The following ARVCF variants were observed in gnomAD, a reference collection of about 807,000 sequenced individuals.
ARVCF encodes splicing regulator ARVCF.
ARVCF carries 66 observed loss-of-function variants against 90.9 expected under a neutral mutation model. The observed-to-expected ratio is 0.73, with a 90% CI of 0.60 to 0.89. The LOEUF (loss-of-function observed/expected upper bound fraction) is 0.89. Among genes scored for constraint, ARVCF ranks in the 40% least tolerant of loss-of-function variants. The pLI is 0.00. For synonymous variants in ARVCF, 653 were observed against 603.4 expected (o/e 1.08, Z -1.21); for missense variants, 1,469 against 1,382.3 (o/e 1.06, Z -1.00).
intron 10 of ARVCF, among the ~76,000 whole-genome samples, chr22:19,976,033 G>A (rs1943136467): frequency 6.6e-6 from 1 of 152,136 alleles, no homozygotes; most frequent in Admixed American, 6.5e-5. Flanking sequence ...GACCCTCCCG[G>A]TGGCTCCCTT....
intron 5 of ARVCF, 162 bp downstream of exon 5, chr22:19,981,049 G>C: frequency 1.0e-6 from 1 of 953,048 alleles, no homozygotes; most frequent in Non-Finnish European, 1.5e-6. Context: ...TACCACCCCA[G>C]GGTCCACCTT....
chr22:19,970,611 A>G lies in ARVCF; in HGVS notation c.*145T>C, dbSNP rs1207894488. 5.2e-5 allele frequency: 66 copies of G among 1,264,552 alleles called. No individual in the cohort carries two copies. The highest frequency in any genetic ancestry group is 2.7e-4 in the Middle Eastern group (1 of 3,702). The allele number at this position is 1,264,552 out of a possible 1,614,324, so 78.3% of individuals were successfully genotyped here. A position where few individuals can be genotyped will look rare whatever the true frequency, so the allele number is the denominator to read the frequency against. Reference sequence around the variant, plus strand: ...GTGGGGGGGCAGGAGGGTGTCCCCAAAGTCAGGCTTGGCTGGGGCGAGGCG... The same window carrying G: ...GTGGGGGGGCAGGAGGGTGTCCCCAGAGTCAGGCTTGGCTGGGGCGAGGCG... On this transcript the variant is annotated 3_prime_UTR_variant, in exon 20 of 20. Transcript: ENST00000263207.
At chr22:19,982,202 G>T (rs17173678) in intron 3 of ARVCF, 111 bp from the exon 4 acceptor site, 5 of 1,442,436 alleles carry the variant, frequency 3.5e-6, no homozygotes, top group Non-Finnish European at 3.7e-6. Context: ...GCACACCAGG[G>T]TGCCTTCCTC....
chr22:19,974,830 T>C (rs1275471628), intron 11 of ARVCF, among the ~76,000 whole-genome samples: 2 of 152,052 alleles, frequency 1.3e-5, no homozygotes, highest in Non-Finnish European at 2.9e-5. Context: ...GCACTCTTCC[T>C]GGCAACCACT....
rs1030619833 is a variant in ARVCF, at chr22:20,016,715, T to C, written c.-199A>G. On this transcript the variant is annotated 5_prime_UTR_variant, in exon 1 of 20. Transcript: ENST00000263207. ...CGGTGCGGCGCGGCGCGGGTCGCAGTCCACGCGGCCGCAACTCGGACCGGT... is the reference window on the plus strand; with the variant it reads ...CGGTGCGGCGCGGCGCGGGTCGCAGCCCACGCGGCCGCAACTCGGACCGGT... 1.3e-5 allele frequency: 2 copies of C among 150,572 alleles called. No individual in the cohort carries two copies. The highest frequency in any genetic ancestry group is 2.4e-5 in the African/African-American group (1 of 41,060). The allele number at this position is 150,572 out of a possible 1,614,324, so 9.3% of individuals were successfully genotyped here.
chr22:19,971,372 G>A (rs770505662), intron 18 of ARVCF, 37 bp from the exon 19 acceptor site: 3 of 1,538,256 alleles, frequency 2.0e-6, no homozygotes, highest in East Asian at 2.4e-5. Context: ...GCACAATAGA[G>A]CAGGTTAGTT....
intron 1 of ARVCF, among the ~76,000 whole-genome samples, chr22:20,013,302 T>C (rs987015591): frequency 2.0e-5 from 3 of 152,240 alleles, no homozygotes; most frequent in Non-Finnish European, 4.4e-5. Flanking sequence ...GGGCACACAC[T>C]TGAAGGACAC....
At position 19,972,373 on chromosome 22, in the gene ARVCF, C is replaced by G. The variant is rs759083877; in HGVS notation, c.2680G>C (p.Asp894His). The G allele has an allele frequency of 3.1e-6, 5 of 1,613,610 alleles. No individual in the cohort carries two copies. The highest frequency in any genetic ancestry group is 4.2e-6 in the Non-Finnish European group (5 of 1,180,010). The change falls in exon 17 of 20, where the codon GAT becomes CAT. Residue 894 changes from aspartate to histidine, a missense_variant. By Grantham distance (81) the Asp-to-His change is moderately conservative (BLOSUM62 -1). Transcript: ENST00000263207. Reference sequence around the variant, plus strand: ...CTGCACTCACCTGGGCCCAGCGCATCCATGGGGATCACATCCCGGCTGCCA... The same window carrying G: ...CTGCACTCACCTGGGCCCAGCGCATGCATGGGGATCACATCCCGGCTGCCA... ...KTGSRDVIPM[D>H]ALGPDGYSTV...
chr22:19,982,801 G>A (rs1187856722), intron 3 of ARVCF, among the ~76,000 whole-genome samples: 1 of 152,200 alleles, frequency 6.6e-6, no homozygotes, highest in Non-Finnish European at 1.5e-5. Context: ...GCCAGTGGCT[G>A]GCGCCCCCAG....
At position 19,973,793 on chromosome 22, in the gene ARVCF, A is replaced by G; in HGVS notation, c.2089T>C (p.Trp697Arg). 1.2e-6 allele frequency: 2 copies of G among 1,603,090 alleles called. No homozygotes were observed. Residue 697 changes from tryptophan (W) to arginine (R), a missense_variant and splice_region_variant, in exon 13 of 20, where the codon TGG (tryptophan) becomes CGG (arginine). Coordinates refer to ENST00000263207, the MANE Select transcript of ARVCF (RefSeq NM_001670.3). ...ACTGTGGCGCGGATGTACGTGGCCC[A>G]CTGCGGAGGCGGGGAGAGGGTTGCT... ...LQNLSAGNWMWATYIRATVRK... is the reference protein window; with the variant it reads ...LQNLSAGNWMRATYIRATVRK...
chr22:19,991,936 CT>C (rs923816833), intron 2 of ARVCF, among the ~76,000 whole-genome samples: 7 of 152,240 alleles, frequency 4.6e-5, no homozygotes, highest in Non-Finnish European at 1.0e-4. Context: ...CGCTGGATCC[CT>C]TGCCCTTGCA....
intron 1 of ARVCF, among the ~76,000 whole-genome samples, chr22:20,015,855 A>G (rs1215521504): frequency 6.6e-6 from 1 of 152,250 alleles, no homozygotes; most frequent in Non-Finnish European, 1.5e-5. Context: ...TACATTACAC[A>G]TAGCTAAGAA....
In ARVCF at chr22:19,981,305, G is replaced by A. The variant is rs1943480508; in HGVS notation, c.802C>T (p.Leu268=). 1 of 1,595,756 alleles carries A rather than the reference G, an allele frequency of 6.3e-7. No individual in the cohort carries two copies. The highest frequency in any genetic ancestry group is 8.5e-7 in the Non-Finnish European group (1 of 1,172,590). ...PYGLEDDTRS[L]AADDEGGPEL... ...GGGCCACCCTCGTCATCAGCGGCCA[G>A]GCTGCGCGTGTCATCCTCCAAGCCA... Residue 268 remains leucine, a synonymous_variant, in exon 5 of 20, where the codon CTG becomes TTG. Coordinates refer to ENST00000263207, the MANE Select transcript of ARVCF (RefSeq NM_001670.3).
intron 2 of ARVCF, among the ~76,000 whole-genome samples, chr22:20,007,127 G>A (rs545700782): frequency 2.7e-5 from 4 of 149,224 alleles, no homozygotes; most frequent in East Asian, 2.0e-4. Context: ...GGCCGGGAGC[G>A]GTGGCTCACA....
chr22:20,010,098 C>T (rs967018552), intron 2 of ARVCF, among the ~76,000 whole-genome samples: 1 of 152,204 alleles, frequency 6.6e-6, no homozygotes, highest in African/African-American at 2.4e-5. Flanking sequence ...ATACTGGATG[C>T]CACTGCGGCT....
chr22:19,992,216 T>A (rs907464459), intron 2 of ARVCF, among the ~76,000 whole-genome samples: 3 of 152,150 alleles, frequency 2.0e-5, no homozygotes, highest in African/African-American at 7.2e-5. Context: ...CCCCCAAAGC[T>A]GCTCTCCATT....
At position 19,970,559 on chromosome 22, in the gene ARVCF, G is replaced by A. The variant is rs1942697082; in HGVS notation, c.*197C>T. The A allele has an allele frequency of 8.3e-7, 1 of 1,206,980 alleles. No homozygotes were observed. 74.8% of individuals were successfully genotyped at this position (1,206,980 alleles called of 1,614,324 possible). ...CAGTAAACAGCTAACTCAGGCCTAG[G>A]GAGTTAGGTAGGATGGGGGGAGTGG... is the stretch of plus-strand genomic sequence containing the variant. On this transcript the variant is annotated 3_prime_UTR_variant, in exon 20 of 20. Transcript: ENST00000263207.
intron 2 of ARVCF, among the ~76,000 whole-genome samples, chr22:19,998,249 A>G (rs1014157936): frequency 2.0e-5 from 3 of 152,162 alleles, no homozygotes; most frequent in Admixed American, 1.3e-4. Flanking sequence ...TTCCCCCCTC[A>G]TTGGAAGACG....
chr22:19,967,431 A>T (rs1942474413), downstream of ARVCF: 2 of 468,542 alleles, frequency 4.3e-6, no homozygotes, highest in Non-Finnish European at 8.8e-6. Context: ...ATCATGATTC[A>T]TGGTGGTACT....
Sources: allele counts gnomAD v4.1 joint callset (sites outside exome capture counted in the v4.1 genomes callset), GRCh38; gene constraint gnomAD v4.1.1; transcripts MANE v1.5; gene names NCBI Gene and HGNC (gene_info 2026-07-23, HGNC 2026-07-21).